SRSF7: variants seen among roughly 807,000 people sequenced by gnomAD.
SRSF7 encodes serine/arginine-rich splicing factor 7.
In SRSF7, 15 loss-of-function variants were observed where a neutral mutation model predicts 42.2. That is an observed-to-expected ratio of 0.36 (90% CI 0.24 to 0.55). The LOEUF (loss-of-function observed/expected upper bound fraction) is 0.55, where lower values mean the gene tolerates loss of function less well. Ranked by LOEUF, SRSF7 falls within the 20% of genes least tolerant of loss-of-function variation. The probability of loss-of-function intolerance (pLI) is 0.88; values close to 1 mark genes in which losing one functional copy is unlikely to be tolerated. For synonymous variants in SRSF7, 138 were observed against 107.9 expected, an observed-to-expected ratio of 1.28 and a Z score of -1.73; for missense variants, 181 against 305.9, an observed-to-expected ratio of 0.59 and a Z score of 3.04.
In SRSF7 at chr2:38,748,130, T is replaced by C; in HGVS notation, c.489A>G (p.Ser163=). The C allele has an allele frequency of 6.2e-7, 1 of 1,613,840 alleles. No individual in the cohort carries two copies. Among genetic ancestry groups the C allele is most frequent in the Non-Finnish European group, 8.5e-7 (1 of 1,179,852 alleles). ...RRSRSASPRR[S]RSISLRRSRS... is the part of the protein sequence containing the mutation. The stretch of plus-strand genomic sequence containing the variant: ...TTGATCTACGAAGAGAGATAGATCT[T>C]GATCGTCGAGGAGATGCTGACCTTG... Residue 163 remains serine (S), a synonymous_variant, in exon 5 of 8, where the codon TCA becomes TCG. Coordinates refer to ENST00000313117, the MANE Select transcript of SRSF7 (RefSeq NM_001031684.3).
At chr2:38,747,901 A>G (rs1667712459) in intron 5 of SRSF7, 146 bp downstream of exon 5, 2 of 563,182 alleles carry the variant, frequency 3.6e-6, no homozygotes, top group South Asian at 5.4e-5. Context: ...CTAGGTTAAT[A>G]TTTATGTTAC....
intron 3 of SRSF7, chr2:38,748,907 T>C: frequency 2.2e-6 from 3 of 1,362,858 alleles, no homozygotes; most frequent in Admixed American, 3.1e-5. Flanking sequence ...CCTTGCAAGT[T>C]TGCAGGTCGA....
chr2:38,748,798 G>A, intron 3 of SRSF7, 145 bp from the exon 4 acceptor site: 3 of 1,164,066 alleles, frequency 2.6e-6, no homozygotes, highest in East Asian at 2.6e-5. Flanking sequence ...TAGTTGTTGA[G>A]TATTTTTTTT....
chr2:38,750,461 G>A (rs1461738192), intron 1 of SRSF7, among the ~76,000 whole-genome samples: 2 of 151,834 alleles, frequency 1.3e-5, no homozygotes, highest in African/African-American at 4.8e-5. Flanking sequence ...ACACCGAGGC[G>A]TGGGGCGGAA....
intron 6 of SRSF7, 92 bp from the exon 7 acceptor site, chr2:38,746,271 A>G: frequency 7.1e-7 from 1 of 1,417,960 alleles, no homozygotes; most frequent in Non-Finnish European, 9.9e-7. Context: ...AAATGTCCTA[A>G]GCTTAAAATG....
At chr2:38,750,582 A>G (rs561455147) in intron 1 of SRSF7, among the ~76,000 whole-genome samples, 16 of 151,870 alleles carry the variant, frequency 1.1e-4, no homozygotes, top group African/African-American at 3.9e-4. Context: ...GGGCCGGGCC[A>G]GGAGAGCAGG....
Position 38,751,231 on chromosome 2 carries a change from C to T in SRSF7, c.26G>A (p.Gly9Glu). The T allele has an allele frequency of 6.2e-7, 1 of 1,614,170 alleles. No individual in the cohort carries two copies. The highest frequency in any genetic ancestry group is 2.2e-5 in the East Asian group (1 of 44,878). Residue 9 changes from glycine (G) to glutamate (E), a missense_variant and splice_region_variant, in exon 1 of 8, where the codon GGA (glycine) becomes GAA (glutamate). This residue lies in a region of SRSF7 where 45 missense variants were observed against 158.1 expected (regional missense o/e 0.28). Transcript: ENST00000313117. ...CTCACCGGACTCCAGCTTCTTACCT[C>T]CTCCGTACCGCCCGTAACGCGACAT... MSRYGRYG[G>E]ETKVYVGNLG... is the part of the protein sequence containing the mutation.
rs114835195 is a variant in SRSF7 at position 38,748,036 on chromosome 2, G to C, written c.572+11C>G. 10 of 1,596,446 alleles carry C rather than the reference G, an allele frequency of 6.3e-6. No homozygotes were observed. Among genetic ancestry groups the C allele is most frequent in the Non-Finnish European group, 8.6e-6 (10 of 1,164,804 alleles). ...ATCCAAACACAAGTAAGGAAAAAAA[G>C]TGTTACATACTGGAAATACCTCGAT... is the stretch of plus-strand genomic sequence containing the variant. On this transcript the variant is annotated intron_variant, in intron 5 of 7. Transcript: ENST00000313117.
In SRSF7 at chr2:38,751,302, G is replaced by A; in HGVS notation, c.-46C>T. The A allele has an allele frequency of 1.1e-5, 17 of 1,613,558 alleles. No individual in the cohort carries two copies. In the African/African-American group the frequency reaches 1.5e-4, roughly 14 times the overall value. On this transcript the variant is annotated 5_prime_UTR_variant, in exon 1 of 8. Coordinates refer to ENST00000313117, the MANE Select transcript of SRSF7 (RefSeq NM_001031684.3). Reference sequence around the variant, plus strand: ...GGCTCTTTAGCAAGCAGCGCCCAGGGCTCGAGTGACGCAAAAGCTGACACA... The same window carrying A: ...GGCTCTTTAGCAAGCAGCGCCCAGGACTCGAGTGACGCAAAAGCTGACACA...
chr2:38,749,544 C>T lies in SRSF7; in HGVS notation c.371G>A (p.Arg124Gln). The stretch of plus-strand genomic sequence containing the variant: ...AAATAAATACCTGCTTCTTCTTCGC[C>T]GGCTGTAACGATGACAATCATAAGC... ...HYAYDCHRYS[R>Q]RRRSRSRSRS... The change falls in exon 3 of 8, where the codon CGG (arginine) becomes CAG (glutamine). Residue 124 changes from arginine to glutamine, a missense_variant. Arg to Gln is a conservative substitution (Grantham distance 43). This residue lies in a region of SRSF7 where 136 missense variants were observed against 147.8 expected (regional missense o/e 0.92). Coordinates refer to ENST00000313117, the MANE Select transcript of SRSF7 (RefSeq NM_001031684.3). 1.3e-6 allele frequency: 2 copies of T among 1,569,720 alleles called. No individual in the cohort carries two copies. Among genetic ancestry groups the T allele is most frequent in the Non-Finnish European group, 8.6e-7 (1 of 1,161,188 alleles).
upstream of SRSF7, chr2:38,751,370 G>T: frequency 3.5e-6 from 5 of 1,440,128 alleles, no homozygotes; most frequent in Non-Finnish European, 4.8e-6. Context: ...ACGAGGAAGA[G>T]CCCGGGTTCG....
chr2:38,748,476 G>T, intron 4 of SRSF7, 103 bp downstream of exon 4: 3 of 1,203,922 alleles, frequency 2.5e-6, no homozygotes, highest in Non-Finnish European at 2.4e-6. Flanking sequence ...CCGGGTGACA[G>T]AGCAAGACCC....
intron 5 of SRSF7, 130 bp from the exon 6 acceptor site, chr2:38,746,877 TTC>T (rs1342225971): frequency 1.4e-6 from 2 of 1,462,060 alleles, no homozygotes; most frequent in African/African-American, 1.4e-5. Flanking sequence ...ACTTGCCTTA[TTC>T]TGTCTAACAC....
intron 6 of SRSF7, 143 bp downstream of exon 6, chr2:38,746,551 G>A: frequency 8.2e-7 from 1 of 1,219,788 alleles, no homozygotes; most frequent in Non-Finnish European, 1.1e-6. Context: ...TAATAAATAG[G>A]ACATACACAA....
upstream of SRSF7, chr2:38,751,384 T>G (rs1275948125): frequency 7.8e-7 from 1 of 1,277,764 alleles, no homozygotes; most frequent in South Asian, 1.2e-5. Context: ...GGGTTCGCGT[T>G]TATATATGCG....
At chr2:38,746,244 A>G in intron 6 of SRSF7, 65 bp from the exon 7 acceptor site, 2 of 1,557,874 alleles carry the variant, frequency 1.3e-6, no homozygotes, top group Non-Finnish European at 1.8e-6. Flanking sequence ...TGTAGTCACC[A>G]ATACCGTAAA....
chr2:38,751,272 T>C lies in SRSF7; in HGVS notation c.-16A>G. On this transcript the variant is annotated 5_prime_UTR_variant, in exon 1 of 8. Transcript: ENST00000313117. The stretch of plus-strand genomic sequence containing the variant: ...AACGCGACATGATGACAGACCCGCG[T>C]GCTCGGCTCTTTAGCAAGCAGCGCC... The C allele has an allele frequency of 8.7e-6, 14 of 1,614,170 alleles. No homozygotes were observed. Among genetic ancestry groups the C allele is most frequent in the Non-Finnish European group, 1.2e-5 (14 of 1,179,996 alleles).
chr2:38,746,250 G>A (rs376127254), intron 6 of SRSF7, 71 bp from the exon 7 acceptor site: 31 of 1,516,878 alleles, frequency 2.0e-5, no homozygotes, highest in East Asian at 4.5e-5. Flanking sequence ...CACCAATACC[G>A]TAAAACCCCC....
At chr2:38,749,059 GAT>G in intron 3 of SRSF7, 1 of 1,306,184 alleles carries the variant, frequency 7.7e-7, no homozygotes, top group Non-Finnish European at 1.0e-6. Context: ...GACGCAAGAA[GAT>G]TTTTCTAGTT....
Sources: gnomAD v4.1 joint callset for allele counts (sites outside exome capture counted in the v4.1 genomes callset) on GRCh38, gnomAD v4.1.1 for gene constraint, gnomAD v4.1.1 regional missense constraint, MANE v1.5 for transcripts, NCBI Gene and HGNC (gene_info 2026-07-23, HGNC 2026-07-21) for gene names.